ADGRL3: variants seen among roughly 807,000 people sequenced by gnomAD.
ADGRL3 encodes adhesion G protein-coupled receptor L3, also known as calcium-independent alpha-latrotoxin receptor 3.
Under a neutral mutation model 153.5 loss-of-function variants are expected in ADGRL3, and 62 were observed. The observed-to-expected ratio is 0.40, with a 90% confidence interval of 0.33 to 0.50. ADGRL3 has a LOEUF of 0.50. Ranked by LOEUF, ADGRL3 falls within the 20% of genes least tolerant of loss-of-function variation. The probability of loss-of-function intolerance (pLI) is 0.47; values close to 1 mark genes in which losing one functional copy is unlikely to be tolerated. For missense variants in ADGRL3, 1,641 were observed against 1,859.4 expected (o/e 0.88, Z 2.16); for synonymous variants, 710 against 672.5 (o/e 1.06, Z -0.86).
chr4:61,749,996 G>C (rs2096731609), intron 8 of ADGRL3, among the ~76,000 whole-genome samples: 1 of 152,036 alleles, frequency 6.6e-6, no homozygotes, highest in Non-Finnish European at 1.5e-5. Context: ...ATGATTCATT[G>C]ATTGATTCTT....
At chr4:61,726,363 T>A (rs992892909) in intron 6 of ADGRL3, among the ~76,000 whole-genome samples, 7 of 151,820 alleles carry the variant, frequency 4.6e-5, no homozygotes, top group Admixed American at 2.6e-4. Context: ...CCCACCCAGC[T>A]AATGTTTGTA....
At chr4:61,871,234 C>T (rs574361142) in intron 9 of ADGRL3, among the ~76,000 whole-genome samples, 1 of 150,980 alleles carries the variant, frequency 6.6e-6, no homozygotes, top group South Asian at 2.1e-4. Flanking sequence ...GCAGAGATCG[C>T]ACCACTGCAC....
intron 9 of ADGRL3, among the ~76,000 whole-genome samples, chr4:61,883,815 T>C (rs2098522001): frequency 6.6e-6 from 1 of 152,190 alleles, no homozygotes; most frequent in Admixed American, 6.5e-5. Context: ...GTAGCGTCCA[T>C]AAGATACAGT....
intron 9 of ADGRL3, among the ~76,000 whole-genome samples, chr4:61,861,874 C>T (rs556211280): frequency 3.9e-5 from 6 of 152,166 alleles, no homozygotes; most frequent in South Asian, 2.1e-4. Context: ...AACTGACAAG[C>T]GGAACACCTG....
chr4:61,524,166 A>G (rs954295574), intron 4 of ADGRL3, among the ~76,000 whole-genome samples: 2 of 152,084 alleles, frequency 1.3e-5, no homozygotes, highest in Non-Finnish European at 2.9e-5. Flanking sequence ...GGTATAATAA[A>G]GATCTGAAGT....
At chr4:61,295,262 A>G (rs1242768114) in intron 1 of ADGRL3, among the ~76,000 whole-genome samples, 2 of 152,118 alleles carry the variant, frequency 1.3e-5, no homozygotes, top group Non-Finnish European at 2.9e-5. Context: ...ATGGCCCCAA[A>G]GTACAAGAAT....
intron 6 of ADGRL3, among the ~76,000 whole-genome samples, chr4:61,686,326 A>T (rs540318785): frequency 5.1e-4 from 77 of 152,264 alleles, no homozygotes; most frequent in African/African-American, 1.8e-3. Context: ...TTTGTGTGAG[A>T]TCTATGAAGT....
chr4:61,745,615 C>T (rs2096646795), intron 8 of ADGRL3, among the ~76,000 whole-genome samples: 1 of 152,098 alleles, frequency 6.6e-6, no homozygotes, highest in Non-Finnish European at 1.5e-5. Flanking sequence ...AACTAAGCTT[C>T]ATAAGTGAAG....
chr4:61,622,652 G>A (rs1406511486), intron 5 of ADGRL3, among the ~76,000 whole-genome samples: 2 of 152,102 alleles, frequency 1.3e-5, no homozygotes. Context: ...TAGGCATTCT[G>A]GTGTGCACTT....
Position 61,711,406 on chromosome 4 carries a change from G to A in ADGRL3, c.584-19216G>A, listed in dbSNP as rs140310145. 2.6e-3 allele frequency among the ~76,000 whole-genome samples: 362 copies of A among 138,718 alleles called. 5 individuals carry two copies. Among genetic ancestry groups the A allele is most frequent in the African/African-American group, 8.8e-3 (328 of 37,462 alleles). 91.0% of individuals were successfully genotyped at this position (138,718 alleles called of 152,430 possible). A position where few individuals can be genotyped will look rare whatever the true frequency, so the allele number is the denominator to read the frequency against. The stretch of plus-strand genomic sequence containing the variant: ...CGTTACTGAAGTGAAGATCCAATTG[G>A]CAACAGAGGACCTTACAAACCTAAC... On this transcript the variant is annotated intron_variant, in intron 6 of 26. Coordinates refer to ENST00000683033, the MANE Select transcript of ADGRL3 (RefSeq NM_001387552.1).
chr4:61,699,951 C>G lies in ADGRL3; in HGVS notation c.583+23016C>G, dbSNP rs188166113. Among the ~76,000 whole-genome samples, 258 of 150,978 alleles carry G rather than the reference C, an allele frequency of 1.7e-3. 3 individuals carry two copies. Among genetic ancestry groups the G allele is most frequent in the African/African-American group, 5.9e-3 (244 of 41,110 alleles). ...TGTGATCAAATAACAAGGAGATACACACACACACACACACACAAAAACACA... is the reference window on the plus strand; with the variant it reads ...TGTGATCAAATAACAAGGAGATACAGACACACACACACACACAAAAACACA... On this transcript the variant is annotated intron_variant, in intron 6 of 26. Transcript: ENST00000683033.
rs1400213503 is a variant in ADGRL3 at position 61,998,167 on chromosome 4, A to T, written c.3304-7A>T. 1.3e-6 allele frequency: 2 copies of T among 1,504,870 alleles called. No homozygotes were observed. The highest frequency in any genetic ancestry group is 9.0e-7 in the Non-Finnish European group (1 of 1,108,242). The allele number at this position is 1,504,870 out of a possible 1,614,324, so 93.2% of individuals were successfully genotyped here. A position where few individuals can be genotyped will look rare whatever the true frequency, so the allele number is the denominator to read the frequency against. On this transcript the variant is annotated splice_polypyrimidine_tract_variant and splice_region_variant and intron_variant, in intron 20 of 26. Coordinates refer to ENST00000683033, the MANE Select transcript of ADGRL3 (RefSeq NM_001387552.1). Reference sequence around the variant, plus strand: ...TATGCTACATAACACTACCTTTTGCATTCCAGCTTAATGTAATCTTCCTTG... The same window carrying T: ...TATGCTACATAACACTACCTTTTGCTTTCCAGCTTAATGTAATCTTCCTTG...
chr4:61,280,580 A>G (rs2093684191), intron 1 of ADGRL3, among the ~76,000 whole-genome samples: 1 of 152,112 alleles, frequency 6.6e-6, no homozygotes, highest in African/African-American at 2.4e-5. Context: ...TTCCTTCCCC[A>G]ATGATAGTTT....
rs561740581 is a variant in ADGRL3, at chr4:62,031,436, C to T, written c.3423-6C>T. The T allele has an allele frequency of 6.3e-6, 10 of 1,599,262 alleles. 1 individual carries two copies. In the South Asian group the frequency reaches 1.1e-4, roughly 18 times the overall value. On this transcript the variant is annotated splice_region_variant and splice_polypyrimidine_tract_variant and intron_variant, in intron 22 of 26. Transcript: ENST00000683033. Reference sequence around the variant, plus strand: ...AATAACCCTTAATTTTCTCTTCTCTCTACAGGTCATGGGTTATAGGTGCAA... The same window carrying T: ...AATAACCCTTAATTTTCTCTTCTCTTTACAGGTCATGGGTTATAGGTGCAA...
chr4:61,569,683 A>G (rs953459633), intron 4 of ADGRL3, among the ~76,000 whole-genome samples: 1 of 152,172 alleles, frequency 6.6e-6, no homozygotes, highest in African/African-American at 2.4e-5. Flanking sequence ...ACAGTGTAGT[A>G]TTTTGTGTCT....
At chr4:62,024,779 A>C (rs1008097959) in intron 21 of ADGRL3, among the ~76,000 whole-genome samples, 10 of 151,862 alleles carry the variant, frequency 6.6e-5, no homozygotes, top group Non-Finnish European at 1.2e-4. Context: ...AAATACAGAA[A>C]ATTAGCCTGG....
At chr4:61,292,195 A>G (rs556637058) in intron 1 of ADGRL3, among the ~76,000 whole-genome samples, 1 of 152,144 alleles carries the variant, frequency 6.6e-6, no homozygotes, top group South Asian at 2.1e-4. Context: ...AAATCACTTC[A>G]TAATTAAAAC....
chr4:61,810,943 C>A (rs1014174946), intron 8 of ADGRL3, among the ~76,000 whole-genome samples: 1 of 152,050 alleles, frequency 6.6e-6, no homozygotes, highest in African/African-American at 2.4e-5. Context: ...AAAATCTGGT[C>A]AATGCTGACT....
At chr4:61,916,227 T>G (rs1241416541) in intron 13 of ADGRL3, among the ~76,000 whole-genome samples, 1 of 152,102 alleles carries the variant, frequency 6.6e-6, no homozygotes, top group Non-Finnish European at 1.5e-5. Context: ...ATCCCAAGAG[T>G]TTTAACAACA....
Sources: allele counts gnomAD v4.1 joint callset (sites outside exome capture counted in the v4.1 genomes callset), GRCh38; gene constraint gnomAD v4.1.1; transcripts MANE v1.5; gene names NCBI Gene and HGNC (gene_info 2026-07-23, HGNC 2026-07-21).